AMPH: variants seen among roughly 807,000 people sequenced by gnomAD.
AMPH encodes the protein amphiphysin (Stiff-Mann syndrome with breast cancer 128kD autoantigen).
Under a neutral mutation model 99.1 loss-of-function variants are expected in AMPH, and 49 were observed. The ratio of observed to expected loss-of-function variants is 0.49; its 90% CI spans 0.39 to 0.63. AMPH has a LOEUF of 0.63. Ranked by LOEUF, AMPH falls within the 20% of genes least tolerant of loss-of-function variation. The pLI, the probability that AMPH is intolerant of heterozygous loss-of-function variation, is 0.00. For synonymous variants in AMPH, 314 were observed against 317.3 expected (o/e 0.99, Z 0.11); for missense variants, 759 against 863.4 (o/e 0.88, Z 1.52).
intron 2 of AMPH, among the ~76,000 whole-genome samples, chr7:38,526,680 A>G (rs900448685): frequency 1.3e-5 from 2 of 151,802 alleles, no homozygotes; most frequent in African/African-American, 4.8e-5. Flanking sequence ...CCTTTCTTGG[A>G]TATGTAGTTT....
At chr7:38,565,022 G>A (rs925820149) in intron 1 of AMPH, among the ~76,000 whole-genome samples, 3 of 151,818 alleles carry the variant, frequency 2.0e-5, no homozygotes, top group Non-Finnish European at 2.9e-5. Context: ...TACTCGGGAG[G>A]CTGAGGCAGG....
intron 11 of AMPH, among the ~76,000 whole-genome samples, chr7:38,450,423 C>A (rs7777736): frequency 0.054 from 8,230 of 152,184 alleles, 604 homozygotes; most frequent in East Asian, 0.35. Context: ...ACCTTTCTTA[C>A]AGTTTCCTAA....
chr7:38,519,593 T>G (rs1462859285), intron 2 of AMPH, among the ~76,000 whole-genome samples: 1 of 152,218 alleles, frequency 6.6e-6, no homozygotes, highest in Non-Finnish European at 1.5e-5. Context: ...ATTATTTATT[T>G]TATTGTTTGT....
intron 9 of AMPH, among the ~76,000 whole-genome samples, chr7:38,464,369 T>C (rs1003492217): frequency 9.8e-5 from 15 of 152,342 alleles, no homozygotes; most frequent in African/African-American, 3.6e-4. Context: ...GCCTCTCTTA[T>C]GTATTCTTTC....
chr7:38,392,321 G>A (rs1014979333), intron 18 of AMPH, among the ~76,000 whole-genome samples: 59 of 151,620 alleles, frequency 3.9e-4, no homozygotes, highest in Non-Finnish European at 3.5e-4. Context: ...CTTGAAGGGT[G>A]AGGGAGGCCA....
chr7:38,516,828 AC>A (rs1420768976), intron 2 of AMPH, among the ~76,000 whole-genome samples: 1 of 152,154 alleles, frequency 6.6e-6, no homozygotes, highest in Non-Finnish European at 1.5e-5. Context: ...TTGGGAGCCC[AC>A]CCCTTGTGTC....
At chr7:38,431,530 C>T (rs1472170747) in intron 13 of AMPH, among the ~76,000 whole-genome samples, 1 of 152,004 alleles carries the variant, frequency 6.6e-6, no homozygotes, top group East Asian at 1.9e-4. Context: ...GTGGCGGGTG[C>T]CTGTAGTCCC....
At chr7:38,548,911 T>C (rs1791086461) in intron 1 of AMPH, among the ~76,000 whole-genome samples, 1 of 152,218 alleles carries the variant, frequency 6.6e-6, no homozygotes, top group Non-Finnish European at 1.5e-5. Context: ...TGTTGTCTGC[T>C]TTTTCACTGT....
intron 1 of AMPH, among the ~76,000 whole-genome samples, chr7:38,598,550 C>T (rs1320650266): frequency 1.3e-5 from 2 of 152,196 alleles, no homozygotes; most frequent in Non-Finnish European, 2.9e-5. Flanking sequence ...GATCCACCTG[C>T]CTCGGGCTCC....
intron 1 of AMPH, among the ~76,000 whole-genome samples, chr7:38,620,336 ATGTGTGTGTGTGTG>A (rs3056281): frequency 6.9e-6 from 1 of 145,622 alleles, no homozygotes; most frequent in Non-Finnish European, 1.5e-5. Context: ...AGATATATAT[ATGTGTGTGTGTGTG>A]TGTGTGTGTG....
chr7:38,390,535 T>C (rs1220132564), intron 19 of AMPH, among the ~76,000 whole-genome samples: 1 of 152,222 alleles, frequency 6.6e-6, no homozygotes, highest in African/African-American at 2.4e-5. Flanking sequence ...CTGATTTTAT[T>C]TTTCCCACCT....
chr7:38,432,272 T>C, intron 12 of AMPH, 60 bp from the exon 13 acceptor site: 1 of 1,476,082 alleles, frequency 6.8e-7, no homozygotes, highest in Non-Finnish European at 9.4e-7. Flanking sequence ...AAAAAAATGC[T>C]GAGGTGACAA....
At chr7:38,388,463 G>T (rs1784404366) in intron 20 of AMPH, among the ~76,000 whole-genome samples, 1 of 151,444 alleles carries the variant, frequency 6.6e-6, no homozygotes, top group Non-Finnish European at 1.5e-5. Context: ...GCATTCATTT[G>T]TGAATTTATT....
At chr7:38,615,178 A>G (rs1048811010) in intron 1 of AMPH, among the ~76,000 whole-genome samples, 1 of 152,126 alleles carries the variant, frequency 6.6e-6, no homozygotes, top group African/African-American at 2.4e-5. Context: ...TCTCAAGCAA[A>G]TTGCCTAACC....
chr7:38,462,702 G>C (rs1787495422), intron 10 of AMPH, among the ~76,000 whole-genome samples: 1 of 152,158 alleles, frequency 6.6e-6, no homozygotes, highest in Non-Finnish European at 1.5e-5. Flanking sequence ...TGTAGCAAGA[G>C]ATAGGAGAAG....
chr7:38,589,153 C>A (rs1792767161), intron 1 of AMPH, among the ~76,000 whole-genome samples: 1 of 152,122 alleles, frequency 6.6e-6, no homozygotes, highest in Admixed American at 6.5e-5. Flanking sequence ...GACTATCCAA[C>A]ATTAAAGTAG....
intron 1 of AMPH, among the ~76,000 whole-genome samples, chr7:38,538,406 A>G (rs1790690774): frequency 6.6e-6 from 1 of 152,204 alleles, no homozygotes; most frequent in South Asian, 2.1e-4. Flanking sequence ...TGATCTTTCA[A>G]TAGTATTCAA....
At chr7:38,578,218 C>G (rs1002844262) in intron 1 of AMPH, among the ~76,000 whole-genome samples, 2 of 152,118 alleles carry the variant, frequency 1.3e-5, no homozygotes, top group African/African-American at 4.8e-5. Flanking sequence ...GTTCCAGTAC[C>G]CACTGAACAG....
chr7:38,561,341 C>A (rs1319065066), intron 1 of AMPH, among the ~76,000 whole-genome samples: 1 of 152,236 alleles, frequency 6.6e-6, no homozygotes, highest in South Asian at 2.1e-4. Flanking sequence ...GGTTAGACTG[C>A]TAGCCCTGTC....
Sources: allele counts gnomAD v4.1 joint callset (sites outside exome capture counted in the v4.1 genomes callset), GRCh38; gene constraint gnomAD v4.1.1; transcripts MANE v1.5; gene names NCBI Gene and HGNC (gene_info 2026-07-23, HGNC 2026-07-21).